EYA2: variants seen among roughly 807,000 people sequenced by gnomAD.
EYA2 encodes EYA transcriptional coactivator and phosphatase 2.
Under a neutral mutation model 69.2 loss-of-function variants are expected in EYA2, and 31 were observed. That is an observed-to-expected ratio of 0.45 (90% confidence interval 0.34 to 0.60). EYA2 has a LOEUF of 0.60. Ranked by LOEUF, EYA2 falls within the 20% of genes least tolerant of loss-of-function variation. The probability of loss-of-function intolerance (pLI) is 0.02; values close to 1 mark genes in which losing one functional copy is unlikely to be tolerated. For synonymous variants in EYA2, 257 were observed against 279.4 expected, an observed-to-expected ratio of 0.92 and a Z score of 0.80; for missense variants, 622 against 701.2, an observed-to-expected ratio of 0.89 and a Z score of 1.28.
intron 2 of EYA2, among the ~76,000 whole-genome samples, chr20:46,993,700 T>C (rs1265230910): frequency 1.3e-5 from 2 of 152,204 alleles, no homozygotes; most frequent in Non-Finnish European, 2.9e-5. Flanking sequence ...AGCAAAGTAT[T>C]TAGCACGTTG....
At chr20:47,048,136 C>T (rs933257739) in intron 5 of EYA2, among the ~76,000 whole-genome samples, 1 of 152,230 alleles carries the variant, frequency 6.6e-6, no homozygotes, top group Non-Finnish European at 1.5e-5. Flanking sequence ...AGGACATGAA[C>T]ACGTTTGAAG....
intron 1 of EYA2, among the ~76,000 whole-genome samples, chr20:46,955,897 T>C (rs1979097324): frequency 6.6e-6 from 1 of 152,252 alleles, no homozygotes; most frequent in Non-Finnish European, 1.5e-5. Context: ...TTGCAGGCCA[T>C]GCAATCTCCA....
chr20:46,956,659 A>G (rs1026993172), intron 1 of EYA2, among the ~76,000 whole-genome samples: 1 of 152,216 alleles, frequency 6.6e-6, no homozygotes, highest in African/African-American at 2.4e-5. Context: ...GCTGGACCTA[A>G]CTGCAAGGAG....
At chr20:47,092,798 TAGA>T (rs1325442016) in intron 8 of EYA2, among the ~76,000 whole-genome samples, 2 of 152,316 alleles carry the variant, frequency 1.3e-5, no homozygotes, top group East Asian at 3.9e-4. Flanking sequence ...AATGTCATCA[TAGA>T]AGGTTTGCTT....
At chr20:46,917,232 T>G (rs1984950014) in intron 1 of EYA2, among the ~76,000 whole-genome samples, 1 of 152,206 alleles carries the variant, frequency 6.6e-6, no homozygotes, top group South Asian at 2.1e-4. Context: ...TTATGTCATT[T>G]CAAGGTTGCC....
chr20:46,922,914 G>A (rs771111082), intron 1 of EYA2, among the ~76,000 whole-genome samples: 77 of 152,178 alleles, frequency 5.1e-4, no homozygotes, highest in Non-Finnish European at 1.0e-3. Flanking sequence ...TCCGGAGAAG[G>A]ACGCAGCATC....
chr20:46,934,534 T>G (rs903547145), intron 1 of EYA2, among the ~76,000 whole-genome samples: 1 of 151,998 alleles, frequency 6.6e-6, no homozygotes, highest in African/African-American at 2.4e-5. Flanking sequence ...GACGCGAAAG[T>G]GATCAGCTCC....
chr20:46,989,414 C>T (rs904730014), intron 1 of EYA2, among the ~76,000 whole-genome samples: 6 of 152,058 alleles, frequency 3.9e-5, no homozygotes, highest in South Asian at 2.1e-4. Context: ...TACAGGCATA[C>T]GCCACCACGC....
At chr20:46,935,146 G>C (rs765866498) in intron 1 of EYA2, among the ~76,000 whole-genome samples, 1 of 152,228 alleles carries the variant, frequency 6.6e-6, no homozygotes, top group African/African-American at 2.4e-5. Flanking sequence ...CCCTGCATCA[G>C]CTCTACTCAG....
At chr20:46,897,007 T>C (rs955122061) in intron 1 of EYA2, among the ~76,000 whole-genome samples, 5 of 112,952 alleles carry the variant, frequency 4.4e-5, no homozygotes, top group Non-Finnish European at 1.0e-4. Context: ...CTCAATACTT[T>C]AGGATTTTTT....
At chr20:47,001,335 C>T (rs976930898) in intron 2 of EYA2, 93 bp from the exon 3 acceptor site, 3 of 1,089,446 alleles carry the variant, frequency 2.8e-6, no homozygotes, top group Non-Finnish European at 4.3e-6. Flanking sequence ...CCCTCCAAGT[C>T]TGCTCCTGCT....
rs140651093 is a variant in EYA2, at chr20:47,020,018, C to G, written c.415+3721C>G. Among the ~76,000 whole-genome samples the G allele has an allele frequency of 7.3e-3, 1,092 of 149,460 alleles. 17 individuals are homozygous for G. The highest frequency in any genetic ancestry group is 0.026 in the African/African-American group (1,038 of 40,640). ...GGCATGGTGGTGTGCACCTGTAGTT[C>G]CAGCTACTCAGGAAGCTGAGGTGGA... On this transcript the variant is annotated intron_variant, in intron 5 of 15. Transcript: ENST00000327619.
At chr20:47,040,371 T>C (rs892364672) in intron 5 of EYA2, among the ~76,000 whole-genome samples, 2 of 152,244 alleles carry the variant, frequency 1.3e-5, no homozygotes, top group African/African-American at 4.8e-5. Flanking sequence ...ACTTAGAGCC[T>C]GTCTCCGTAT....
chr20:47,144,951 C>G (rs897245938), intron 10 of EYA2, among the ~76,000 whole-genome samples: 1 of 152,152 alleles, frequency 6.6e-6, no homozygotes. Flanking sequence ...AAGACTCAGC[C>G]GATTGCAAAG....
intron 9 of EYA2, among the ~76,000 whole-genome samples, chr20:47,122,241 T>C (rs1394450399): frequency 1.3e-5 from 2 of 151,592 alleles, no homozygotes; most frequent in Non-Finnish European, 2.9e-5. Context: ...ATTTTCTTCA[T>C]AACATTTGTC....
intron 9 of EYA2, among the ~76,000 whole-genome samples, chr20:47,132,273 G>A (rs1299296961): frequency 6.6e-6 from 1 of 152,152 alleles, no homozygotes; most frequent in African/African-American, 2.4e-5. Flanking sequence ...GGAGGGAGTA[G>A]CCAAATTAAA....
chr20:47,059,498 C>T (rs1026131203), intron 5 of EYA2, among the ~76,000 whole-genome samples: 10 of 152,202 alleles, frequency 6.6e-5, no homozygotes, highest in Admixed American at 3.9e-4. Flanking sequence ...TTACAGGTGC[C>T]CGCCACCACA....
intron 10 of EYA2, among the ~76,000 whole-genome samples, chr20:47,147,884 C>T (rs146256776): frequency 0.018 from 2,664 of 152,024 alleles, 81 homozygotes; most frequent in African/African-American, 0.061. Flanking sequence ...CATGGTGAAA[C>T]CCCGTCTTTA....
intron 2 of EYA2, among the ~76,000 whole-genome samples, chr20:46,999,233 A>G (rs1982212132): frequency 2.0e-5 from 3 of 152,228 alleles, no homozygotes; most frequent in Admixed American, 1.3e-4. Flanking sequence ...CTTATGCAGT[A>G]CTAAATGCAC....
Sources: allele counts gnomAD v4.1 joint callset (sites outside exome capture counted in the v4.1 genomes callset), GRCh38; gene constraint gnomAD v4.1.1; transcripts MANE v1.5; gene names NCBI Gene and HGNC (gene_info 2026-07-23, HGNC 2026-07-21).